The following FGD4 variants were observed in gnomAD, a reference collection of about 807,000 sequenced individuals.
FGD4 encodes the protein FYVE, RhoGEF and PH domain containing 4.
A neutral mutation model predicts 102.0 loss-of-function variants in FGD4; 42 were observed. That is an observed-to-expected ratio of 0.41 (90% CI 0.32 to 0.53). The LOEUF (loss-of-function observed/expected upper bound fraction) is 0.53, where lower values mean the gene tolerates loss of function less well. Among genes scored for constraint, FGD4 ranks in the 20% least tolerant of loss-of-function variants. The pLI, the probability that FGD4 is intolerant of heterozygous loss-of-function variation, is 0.21. For synonymous variants in FGD4, 380 were observed against 375.7 expected, an observed-to-expected ratio of 1.01 and a Z score of -0.13; for missense variants, 902 against 1,078.2, an observed-to-expected ratio of 0.84 and a Z score of 2.29.
chr12:32,489,737 T>C (rs1387700171), intron 1 of FGD4, among the ~76,000 whole-genome samples: 1 of 152,194 alleles, frequency 6.6e-6, no homozygotes, highest in Admixed American at 6.5e-5. Flanking sequence ...GAGAAGAATC[T>C]TGTAAGATAG....
At position 32,601,311 on chromosome 12, in the gene FGD4, C is replaced by G. The variant is rs1948408994; in HGVS notation, c.1135C>G (p.Arg379Gly). 2 of 1,613,988 alleles carry G rather than the reference C, an allele frequency of 1.2e-6. No individual in the cohort carries two copies. Among genetic ancestry groups the G allele is most frequent in the South Asian group, 2.2e-5 (2 of 91,074 alleles). The change falls in exon 6 of 17, where the codon CGA (arginine) becomes GGA (glycine). Residue 379 changes from arginine (R) to glycine (G), a missense_variant. Physicochemically the swap from Arg to Gly is moderately radical, Grantham distance 125. This residue lies in a region of FGD4 where 443 missense variants were observed against 459.2 expected (regional missense o/e 0.96). Transcript: ENST00000534526. Reference sequence around the variant, plus strand: ...TTGCAAACTGTTGGAAGAAGCAAACCGAGGCTCGTTTCCAGCAGAGATGGT... The same window carrying G: ...TTGCAAACTGTTGGAAGAAGCAAACGGAGGCTCGTTTCCAGCAGAGATGGT... ...FYCKLLEEAN[R>G]GSFPAEMVNK...
chr12:32,499,668 C>T (rs1435150665), intron 1 of FGD4, among the ~76,000 whole-genome samples: 1 of 152,198 alleles, frequency 6.6e-6, no homozygotes, highest in Non-Finnish European at 1.5e-5. Flanking sequence ...ATTTCTTCCT[C>T]ACAGGTACTC....
intron 15 of FGD4, 122 bp from the exon 16 acceptor site, chr12:32,638,533 T>G (rs555439896): frequency 1.5e-6 from 2 of 1,316,598 alleles, no homozygotes; most frequent in Non-Finnish European, 2.1e-6. Flanking sequence ...AAACAATAAT[T>G]GCAAATGAAT....
chr12:32,456,051 A>G (rs1942941275), intron 1 of FGD4, among the ~76,000 whole-genome samples: 1 of 152,168 alleles, frequency 6.6e-6, no homozygotes, highest in African/African-American at 2.4e-5. Context: ...AAAACCCTGC[A>G]AGCATTACTG....
At chr12:32,432,647 T>C (rs1942092509) in intron 1 of FGD4, among the ~76,000 whole-genome samples, 1 of 151,912 alleles carries the variant, frequency 6.6e-6, no homozygotes, top group Non-Finnish European at 1.5e-5. Flanking sequence ...CCCTTCATTT[T>C]ATAAAGTTGA....
At chr12:32,570,240 CAAAAAAAAAA>C (rs150913094) in intron 2 of FGD4, among the ~76,000 whole-genome samples, 1 of 67,626 alleles carries the variant, frequency 1.5e-5, no homozygotes, top group Non-Finnish European at 2.9e-5. Flanking sequence ...GACGCTGTCT[CAAAAAAAAAA>C]AAAAAAAAAA....
rs55765989 is a variant in FGD4 at position 32,537,864 on chromosome 12, A to C, written c.167-26273A>C. Among the ~76,000 whole-genome samples, 827 of 152,178 alleles carry C rather than the reference A, an allele frequency of 5.4e-3. 6 individuals carry two copies. Among genetic ancestry groups the C allele is most frequent in the African/African-American group, 0.018 (761 of 41,516 alleles). ...TAATAGCACGCCTGTTCCTTCACCC[A>C]GCTTTACTTTCGTTATAGCAGTTTT... On this transcript the variant is annotated intron_variant, in intron 1 of 16. Transcript: ENST00000534526.
intron 1 of FGD4, among the ~76,000 whole-genome samples, chr12:32,556,709 T>G (rs1208796680): frequency 1.3e-5 from 2 of 151,474 alleles, no homozygotes; most frequent in Admixed American, 6.6e-5. Flanking sequence ...AATACAAAAA[T>G]TAGCTGCACA....
intron 1 of FGD4, among the ~76,000 whole-genome samples, chr12:32,428,161 T>C (rs933446696): frequency 5.3e-5 from 8 of 152,158 alleles, no homozygotes; most frequent in African/African-American, 1.9e-4. Context: ...ATAGTATCAA[T>C]GGTCTTTACA....
intron 10 of FGD4, among the ~76,000 whole-genome samples, chr12:32,618,953 A>T (rs1565913378): frequency 6.6e-6 from 1 of 152,226 alleles, no homozygotes; most frequent in African/African-American, 2.4e-5. Flanking sequence ...TCTCTCAGAT[A>T]TAATCATAAT....
intron 1 of FGD4, among the ~76,000 whole-genome samples, chr12:32,403,630 C>T (rs1328508981): frequency 1.3e-5 from 2 of 149,456 alleles, no homozygotes; most frequent in East Asian, 4.0e-4. Flanking sequence ...CTGAGTCTTA[C>T]CCTGTCGCCA....
At chr12:32,610,033 C>T (rs1032584475) in intron 8 of FGD4, among the ~76,000 whole-genome samples, 16 of 152,264 alleles carry the variant, frequency 1.1e-4, no homozygotes, top group African/African-American at 3.6e-4. Context: ...CCCTTTCACC[C>T]GACCCAGGCT....
intron 1 of FGD4, among the ~76,000 whole-genome samples, chr12:32,484,990 C>T (rs1943853629): frequency 6.6e-6 from 1 of 152,210 alleles, no homozygotes; most frequent in Non-Finnish European, 1.5e-5. Flanking sequence ...TAACGTCAAC[C>T]TTCTATGCTC....
intron 4 of FGD4, among the ~76,000 whole-genome samples, chr12:32,595,990 T>C (rs1180294188): frequency 1.3e-5 from 2 of 152,212 alleles, no homozygotes; most frequent in Non-Finnish European, 2.9e-5. Flanking sequence ...GTGGTGAACA[T>C]AGTGAAGTAT....
chr12:32,634,275 A>G (rs1292880559), intron 15 of FGD4, among the ~76,000 whole-genome samples: 1 of 152,040 alleles, frequency 6.6e-6, no homozygotes, highest in Non-Finnish European at 1.5e-5. Context: ...TATGTTTTCT[A>G]TAAAGGAAAG....
chr12:32,622,343 TC>T (rs775926090), intron 11 of FGD4, among the ~76,000 whole-genome samples: 14 of 152,336 alleles, frequency 9.2e-5, no homozygotes, highest in Non-Finnish European at 1.9e-4. Flanking sequence ...ATGGATACTT[TC>T]AGTCCTCCTT....
intron 1 of FGD4, among the ~76,000 whole-genome samples, chr12:32,436,573 C>G (rs149311995): frequency 2.0e-5 from 3 of 152,150 alleles, no homozygotes; most frequent in East Asian, 1.9e-4. Flanking sequence ...TTTGGTGTTA[C>G]GCCTGGTTGT....
In FGD4 at chr12:32,644,305, A is replaced by G. The variant is rs960296372; in HGVS notation, c.*3772A>G. 6.6e-6 allele frequency: 1 copy of G among 152,126 alleles called. No homozygotes were observed. Among genetic ancestry groups the G allele is most frequent in the African/African-American group, 2.4e-5 (1 of 41,456 alleles). 9.4% of individuals were successfully genotyped at this position (152,126 alleles called of 1,614,324 possible). On this transcript the variant is annotated 3_prime_UTR_variant, in exon 17 of 17. Coordinates refer to ENST00000534526, the MANE Select transcript of FGD4 (RefSeq NM_001370298.3). ...TAGAATCAAACTTCTTGTTATTTGC[A>G]TACTATTATCTACTATAGATTCTCA...
intron 2 of FGD4, among the ~76,000 whole-genome samples, chr12:32,565,633 C>T (rs61926168): frequency 0.011 from 1,685 of 152,244 alleles, 19 homozygotes; most frequent in South Asian, 0.056. Flanking sequence ...TGCAATACTT[C>T]GTTGTTTTCC....
Sources: allele counts gnomAD v4.1 joint callset (sites outside exome capture counted in the v4.1 genomes callset), GRCh38; gene constraint gnomAD v4.1.1; regional missense constraint gnomAD v4.1.1; transcripts MANE v1.5; gene names NCBI Gene and HGNC (gene_info 2026-07-23, HGNC 2026-07-21).